Variants in TASP1 observed in about 807,000 individuals in gnomAD.
The protein encoded by TASP1 is taspase 1, also known as threonine aspartase 1.
In TASP1, 16 loss-of-function variants were observed where a neutral mutation model predicts 56.6. The observed-to-expected ratio is 0.28, with a 90% confidence interval of 0.19 to 0.43. The LOEUF (loss-of-function observed/expected upper bound fraction) is 0.43. TASP1 is among the 20% of genes least tolerant of loss of function. The probability of loss-of-function intolerance (pLI) is 1.00; values close to 1 mark genes in which losing one functional copy is unlikely to be tolerated. For missense variants in TASP1, 393 were observed against 511.6 expected (o/e 0.77, Z 2.24); for synonymous variants, 179 against 184.2 (o/e 0.97, Z 0.23).
intron 10 of TASP1, among the ~76,000 whole-genome samples, chr20:13,499,110 C>T (rs1434571868): frequency 1.3e-5 from 2 of 152,072 alleles, no homozygotes; most frequent in African/African-American, 4.8e-5. Flanking sequence ...TACATATACG[C>T]CCTGGAAAAT....
chr20:13,522,889 G>A (rs921378772), intron 10 of TASP1, among the ~76,000 whole-genome samples: 6 of 152,120 alleles, frequency 3.9e-5, no homozygotes, highest in African/African-American at 1.4e-4. Flanking sequence ...TGAGGTGGCA[G>A]GAAAAACAGG....
intron 10 of TASP1, among the ~76,000 whole-genome samples, chr20:13,486,064 T>G (rs2043309415): frequency 6.6e-6 from 1 of 152,206 alleles, no homozygotes; most frequent in African/African-American, 2.4e-5. Flanking sequence ...CTCTCTGACA[T>G]TGATCATCTT....
chr20:13,305,576 G>T, the TASP1 span, among the ~76,000 whole-genome samples: 1 of 152,160 alleles, frequency 6.6e-6, no homozygotes, highest in African/African-American at 2.4e-5. Flanking sequence ...CAAATTAAAG[G>T]CTTGCCTCAG....
intron 10 of TASP1, among the ~76,000 whole-genome samples, chr20:13,489,143 C>T (rs995322896): frequency 1.3e-5 from 2 of 152,180 alleles, no homozygotes; most frequent in Non-Finnish European, 2.9e-5. Flanking sequence ...GTGAAAGGAA[C>T]AAACCTAGGC....
At chr20:13,206,972 T>A in the TASP1 span, among the ~76,000 whole-genome samples, 1 of 152,222 alleles carries the variant, frequency 6.6e-6, no homozygotes, top group East Asian at 1.9e-4. Context: ...ATGAGTGGTC[T>A]CCCAACTGCA....
intron 13 of TASP1, among the ~76,000 whole-genome samples, chr20:13,392,500 G>C (rs1230564974): frequency 1.3e-5 from 2 of 152,180 alleles, no homozygotes; most frequent in African/African-American, 4.8e-5. Flanking sequence ...CAGTTTCCCT[G>C]TACCTGACCA....
the TASP1 span, chr20:13,164,707 C>A: frequency 6.9e-7 from 1 of 1,445,478 alleles, no homozygotes. Context: ...CAAAGCAGGG[C>A]TACTTAGGTG....
chr20:13,374,150 G>A, the TASP1 span, among the ~76,000 whole-genome samples: 1 of 152,044 alleles, frequency 6.6e-6, no homozygotes, highest in Non-Finnish European at 1.5e-5. Flanking sequence ...TCTTCATACT[G>A]TACTTCTTTA....
At chr20:13,147,520 C>G in the TASP1 span, among the ~76,000 whole-genome samples, 6 of 152,246 alleles carry the variant, frequency 3.9e-5, no homozygotes, top group Admixed American at 1.3e-4. Context: ...CCCTCTGCCC[C>G]CTTGCCAAGC....
At chr20:13,159,026 C>T in the TASP1 span, among the ~76,000 whole-genome samples, 3 of 152,206 alleles carry the variant, frequency 2.0e-5, no homozygotes, top group African/African-American at 7.2e-5. Context: ...TTAAGTTTTC[C>T]TGCAAAGACT....
chr20:13,320,045 C>T, the TASP1 span, among the ~76,000 whole-genome samples: 1 of 152,226 alleles, frequency 6.6e-6, no homozygotes, highest in Non-Finnish European at 1.5e-5. Flanking sequence ...TGACCCAACA[C>T]CCCAAAGTCA....
At chr20:13,451,667 C>T (rs541772257) in intron 11 of TASP1, among the ~76,000 whole-genome samples, 1 of 152,082 alleles carries the variant, frequency 6.6e-6, no homozygotes, top group Non-Finnish European at 1.5e-5. Context: ...ATCCTTAACA[C>T]TGAGTGTTAT....
chr20:13,451,460 A>G (rs1474171437), intron 11 of TASP1, among the ~76,000 whole-genome samples: 6 of 152,082 alleles, frequency 3.9e-5, no homozygotes, highest in Non-Finnish European at 7.4e-5. Flanking sequence ...GATCTTAGCT[A>G]GATCTTCTGG....
chr20:13,150,654 T>C, the TASP1 span, among the ~76,000 whole-genome samples: 1 of 152,222 alleles, frequency 6.6e-6, no homozygotes, highest in South Asian at 2.1e-4. Context: ...CTCCTACTCC[T>C]TCCAATCATT....
the TASP1 span, among the ~76,000 whole-genome samples, chr20:13,382,713 T>C: frequency 6.6e-6 from 1 of 152,236 alleles, no homozygotes; most frequent in East Asian, 1.9e-4. Context: ...AATTTATTTC[T>C]GTGTATGGCA....
At chr20:13,371,008 A>C in the TASP1 span, among the ~76,000 whole-genome samples, 1 of 152,110 alleles carries the variant, frequency 6.6e-6, no homozygotes, top group Non-Finnish European at 1.5e-5. Flanking sequence ...AAGGTCAAGC[A>C]GTATCATCCC....
the TASP1 span, among the ~76,000 whole-genome samples, chr20:13,149,554 C>T: frequency 7.2e-5 from 11 of 152,262 alleles, no homozygotes; most frequent in African/African-American, 1.9e-4. Flanking sequence ...TCTTGGCAAA[C>T]GCAAAAGACC....
At chr20:13,503,801 A>G (rs562989531) in intron 10 of TASP1, among the ~76,000 whole-genome samples, 1 of 152,240 alleles carries the variant, frequency 6.6e-6, no homozygotes, top group Non-Finnish European at 1.5e-5. Context: ...ATTCTGAAAA[A>G]TACAATCAAT....
the TASP1 span, among the ~76,000 whole-genome samples, chr20:13,326,794 G>C: frequency 1.3e-5 from 2 of 152,058 alleles, no homozygotes; most frequent in African/African-American, 4.8e-5. Flanking sequence ...AATAAACTAG[G>C]TATTGCTGAA....
Sources: allele counts gnomAD v4.1 joint callset (sites outside exome capture counted in the v4.1 genomes callset), GRCh38; gene constraint gnomAD v4.1.1; transcripts MANE v1.5; gene names NCBI Gene and HGNC (gene_info 2026-07-23, HGNC 2026-07-21).